TEKT5: variants seen among roughly 807,000 people sequenced by gnomAD.
TEKT5 encodes tektin-5.
Under a neutral mutation model 48.7 loss-of-function variants are expected in TEKT5, and 52 were observed. The observed-to-expected ratio is 1.07, with a 90% CI of 0.86 to 1.35. The LOEUF is 1.35. Ranked by LOEUF, TEKT5 falls within the 40% of genes most tolerant of loss-of-function variation. TEKT5 has a pLI of 0.00. For synonymous variants in TEKT5, 318 were observed against 267.6 expected, an observed-to-expected ratio of 1.19 and a Z score of -1.84; for missense variants, 831 against 641.6, an observed-to-expected ratio of 1.30 and a Z score of -3.19.
At chr16:10,676,758 T>C (rs1445780063) in intron 4 of TEKT5, among the ~76,000 whole-genome samples, 1 of 152,232 alleles carries the variant, frequency 6.6e-6, no homozygotes, top group Non-Finnish European at 1.5e-5. Context: ...TGCCAAGCAT[T>C]GTTCCAGGCA....
At chr16:10,657,944 C>T (rs138028096) in intron 5 of TEKT5, among the ~76,000 whole-genome samples, 4 of 152,168 alleles carry the variant, frequency 2.6e-5, no homozygotes, top group Admixed American at 2.6e-4. Context: ...ATACAATTTA[C>T]CACAAAGTTC....
intron 5 of TEKT5, among the ~76,000 whole-genome samples, chr16:10,660,661 C>CTGTGTGTGTGTGTGTG (rs4028826): frequency 3.5e-5 from 5 of 144,302 alleles, no homozygotes; most frequent in African/African-American, 1.3e-4. Context: ...GAGTGCAAGG[C>CTGTGTGTGTGTGTGTG]TGTGTGTGTG....
At chr16:10,646,659 T>C (rs904782107) in intron 5 of TEKT5, among the ~76,000 whole-genome samples, 11 of 151,794 alleles carry the variant, frequency 7.2e-5, no homozygotes, top group Non-Finnish European at 1.5e-4. Flanking sequence ...CCAGGAAAAA[T>C]AGATAGCAGT....
At chr16:10,661,579 G>A (rs575317226) in intron 5 of TEKT5, among the ~76,000 whole-genome samples, 7 of 152,338 alleles carry the variant, frequency 4.6e-5, no homozygotes, top group Admixed American at 3.9e-4. Flanking sequence ...TGAGAGACAG[G>A]AGGACTCACA....
At chr16:10,664,834 G>A (rs1898432002) in intron 5 of TEKT5, among the ~76,000 whole-genome samples, 1 of 152,232 alleles carries the variant, frequency 6.6e-6, no homozygotes, top group African/African-American at 2.4e-5. Context: ...ATCAGCAGAT[G>A]AGAAAGCAGA....
chr16:10,651,031 G>C (rs895037711), intron 5 of TEKT5, among the ~76,000 whole-genome samples: 1 of 152,242 alleles, frequency 6.6e-6, no homozygotes, highest in African/African-American at 2.4e-5. Flanking sequence ...GGGCTGGCCA[G>C]GGGCAGGGGC....
intron 5 of TEKT5, among the ~76,000 whole-genome samples, chr16:10,656,499 C>T (rs551438592): frequency 4.6e-5 from 7 of 152,122 alleles, no homozygotes; most frequent in African/African-American, 1.7e-4. Context: ...GCGATCCACC[C>T]GCCTTGGCCT....
intron 5 of TEKT5, among the ~76,000 whole-genome samples, chr16:10,665,941 G>C (rs558409857): frequency 6.6e-6 from 1 of 152,294 alleles, no homozygotes; most frequent in Admixed American, 6.5e-5. Flanking sequence ...GCACCTACAG[G>C]AACGCAGTCT....
chr16:10,674,242 C>G (rs1898601250), intron 5 of TEKT5, among the ~76,000 whole-genome samples: 1 of 151,846 alleles, frequency 6.6e-6, no homozygotes, highest in African/African-American at 2.4e-5. Flanking sequence ...GCAACGTCCC[C>G]TGCTTCTCTG....
chr16:10,661,346 A>G (rs1168642809), intron 5 of TEKT5, among the ~76,000 whole-genome samples: 1 of 152,172 alleles, frequency 6.6e-6, no homozygotes, highest in East Asian at 1.9e-4. Context: ...CGCTACTCCA[A>G]GTGTGGTCCC....
rs1231726251 is a variant in TEKT5 at position 10,640,091 on chromosome 16, C to CT, written c.1087-4174dup. On this transcript the variant is annotated intron_variant, in intron 5 of 6. Coordinates refer to ENST00000283025, the MANE Select transcript of TEKT5 (RefSeq NM_144674.2). The stretch of plus-strand genomic sequence containing the variant: ...TCTTTCTCCTTCTTCTCCTTCCTTC[C>CT]TTCCCTCTCCCCTCCTCCCGTCTTC... Among the ~76,000 whole-genome samples the CT allele has an allele frequency of 9.1e-3, 1,367 of 149,412 alleles. 50 individuals carry two copies. The highest frequency in any genetic ancestry group is 0.033 in the African/African-American group (1,304 of 39,870).
At chr16:10,632,879 C>T (rs977733408) in intron 6 of TEKT5, among the ~76,000 whole-genome samples, 15 of 145,372 alleles carry the variant, frequency 1.0e-4, no homozygotes, top group African/African-American at 2.7e-4. Context: ...GACACACACA[C>T]ACACACACAC....
At chr16:10,635,379 G>C (rs1044796506) in intron 6 of TEKT5, among the ~76,000 whole-genome samples, 1 of 152,014 alleles carries the variant, frequency 6.6e-6, no homozygotes, top group Non-Finnish European at 1.5e-5. Flanking sequence ...GTGAGGAATG[G>C]GTGCCTCTTT....
chr16:10,693,581 A>C (rs542757725), intron 1 of TEKT5, among the ~76,000 whole-genome samples: 1 of 152,266 alleles, frequency 6.6e-6, no homozygotes, highest in East Asian at 1.9e-4. Flanking sequence ...TCTTGAATAC[A>C]TCAGTGACAA....
Position 10,662,461 on chromosome 16 carries a change from G to A in TEKT5, c.1086+13498C>T, listed in dbSNP as rs118120893. Among the ~76,000 whole-genome samples the A allele has an allele frequency of 2.2e-4, 34 of 152,242 alleles. No homozygotes were observed. The East Asian group carries it at 6.2e-3, about 28-fold the overall frequency. ...GGGGAGAACAATTGTTCTGAGAGAC[G>A]GTTAACCACAAACAACTCACTTGCA... On this transcript the variant is annotated intron_variant, in intron 5 of 6. Transcript: ENST00000283025.
At chr16:10,667,158 G>C (rs1898472144) in intron 5 of TEKT5, among the ~76,000 whole-genome samples, 1 of 151,698 alleles carries the variant, frequency 6.6e-6, no homozygotes, top group East Asian at 1.9e-4. Context: ...TAATTTTTAT[G>C]TTTTTTGTAG....
chr16:10,672,660 A>G (rs1898567701), intron 5 of TEKT5, among the ~76,000 whole-genome samples: 1 of 152,146 alleles, frequency 6.6e-6, no homozygotes, highest in Non-Finnish European at 1.5e-5. Flanking sequence ...AGTACCAGGC[A>G]GTTATTAAGC....
chr16:10,646,963 G>A (rs1898079245), intron 5 of TEKT5, among the ~76,000 whole-genome samples: 1 of 152,212 alleles, frequency 6.6e-6, no homozygotes, highest in African/African-American at 2.4e-5. Context: ...CTTTGTGGGG[G>A]CAGTGGGTGG....
At chr16:10,681,858 TAG>T in intron 4 of TEKT5, 133 bp downstream of exon 4, 1 of 1,222,538 alleles carries the variant, frequency 8.2e-7, no homozygotes, top group Non-Finnish European at 1.2e-6. Context: ...CCGCCTGCGC[TAG>T]AGGATCCCCG....
Sources: allele counts gnomAD v4.1 joint callset (sites outside exome capture counted in the v4.1 genomes callset), GRCh38; gene constraint gnomAD v4.1.1; transcripts MANE v1.5; gene names NCBI Gene and HGNC (gene_info 2026-07-23, HGNC 2026-07-21).